The following TMEM200C variants were observed in gnomAD, a reference collection of about 807,000 sequenced individuals.
The protein encoded by TMEM200C is transmembrane protein TTMA.
For synonymous variants in TMEM200C, 462 were observed against 324.7 expected, an observed-to-expected ratio of 1.42 and a Z score of -4.55; for missense variants, 966 against 699.9, an observed-to-expected ratio of 1.38 and a Z score of -4.29.
In TMEM200C at chr18:5,891,953, G is replaced by A. The variant is rs200998948; in HGVS notation, c.111C>T (p.Asn37=). The change falls in exon 3 of 3, where the codon AAC becomes AAT. Residue 37 remains asparagine, a synonymous_variant. Transcript: ENST00000581347. The surrounding 1 kb of genome is among the most constrained non-coding windows in gnomAD (Gnocchi z 4.7). ...GCTTGCCTTTCACCACCACCACGTC[G>A]TTCTTGCGCCTCTTCTTGGCTTTCC... is the stretch of plus-strand genomic sequence containing the variant. 3.4e-5 allele frequency: 55 copies of A among 1,613,974 alleles called. No individual in the cohort carries two copies. The highest frequency in any genetic ancestry group is 5.3e-5 in the African/African-American group (4 of 75,070).
At chr18:5,894,171 G>A (rs2095173780) in intron 2 of TMEM200C, among the ~76,000 whole-genome samples, 1 of 152,164 alleles carries the variant, frequency 6.6e-6, no homozygotes, top group Non-Finnish European at 1.5e-5. Context: ...TGCGCCGGGA[G>A]GCTGGATGCC....
exon 3 of TMEM200C, chr18:5,890,304 T>G (rs961328634): frequency 4.4e-6 from 7 of 1,601,700 alleles, no homozygotes; most frequent in Non-Finnish European, 6.0e-6. Context: ...CGGCTGAGGT[T>G]GCTCGGCCGT....
chr18:5,885,298 G>A (rs1279341190), exon 3 of TMEM200C: 1 of 152,132 alleles, frequency 6.6e-6, no homozygotes, highest in Non-Finnish European at 1.5e-5. Context: ...AGAAAGCACA[G>A]GTTATTGAGA....
exon 3 of TMEM200C, chr18:5,890,400 G>A (rs1322569603): frequency 1.9e-6 from 3 of 1,580,670 alleles, no homozygotes; most frequent in East Asian, 2.3e-5. Context: ...CGTTTGACCA[G>A]CTACTGCGTC....
chr18:5,892,969 T>A (rs977612215), intron 2 of TMEM200C, among the ~76,000 whole-genome samples: 1 of 152,184 alleles, frequency 6.6e-6, no homozygotes, highest in Non-Finnish European at 1.5e-5. Flanking sequence ...TTTAGGTAAC[T>A]GCTTATGTAA....
At chr18:5,882,257 A>G (rs147298887) in exon 3 of TMEM200C, 2 of 151,084 alleles carry the variant, frequency 1.3e-5, no homozygotes, top group African/African-American at 2.4e-5. Context: ...TTTTTTTGCT[A>G]TAATTTGGTA....
At chr18:5,884,175 T>A (rs1377808731) in exon 3 of TMEM200C, 1 of 152,088 alleles carries the variant, frequency 6.6e-6, no homozygotes, top group East Asian at 1.9e-4. Flanking sequence ...AGATATATAG[T>A]TTGTTTTGTT....
chr18:5,886,212 C>A lies in TMEM200C; in HGVS notation c.*3986G>T, dbSNP rs371047804. 1.2e-4 allele frequency: 18 copies of A among 152,154 alleles called. 1 individual carries two copies. Among genetic ancestry groups the A allele is most frequent in the Admixed American group, 7.9e-4 (12 of 15,284 alleles). The allele number at this position is 152,154 out of a possible 1,614,324, so 9.4% of individuals were successfully genotyped here. ...AAGAAAAAAATTAATATAGAAAAAA[C>A]TTTTGTCTAGACAATTTAAATAACT... is the stretch of plus-strand genomic sequence containing the variant. On this transcript the variant is annotated 3_prime_UTR_variant, in exon 3 of 3. Coordinates refer to ENST00000581347, the Ensembl canonical transcript of TMEM200C.
chr18:5,892,221 G>A (rs2095172011), intron 2 of TMEM200C, 64 bp from the exon 2 acceptor site: 6 of 720,162 alleles, frequency 8.3e-6, no homozygotes, highest in South Asian at 7.5e-5. Flanking sequence ...TCACGCTGCA[G>A]CTGCCCTACT....
Position 5,891,376 on chromosome 18 carries a change from C to A in TMEM200C, c.688G>T (p.Ala230Ser). The change falls in exon 3 of 3, where the codon GCC (alanine) becomes TCC (serine). Residue 230 changes from alanine to serine, a missense_variant. Physicochemically the swap from Ala to Ser is moderately conservative, Grantham distance 99. Transcript: ENST00000581347. This position sits in a 1 kb window ranked among gnomAD's most constrained non-coding sequence, Gnocchi z 4.7. ...GCGGGGGCAGACGACGACGAAGAGG[C>A]GGCGGCGGCCGCGGCGGCGGCCGCG... The A allele has an allele frequency of 7.6e-7, 1 of 1,311,248 alleles. No individual in the cohort carries two copies. Among genetic ancestry groups the A allele is most frequent in the Non-Finnish European group, 9.6e-7 (1 of 1,036,338 alleles). The allele number at this position is 1,311,248 out of a possible 1,614,324, so 81.2% of individuals were successfully genotyped here.
chr18:5,884,296 T>G (rs2095163831), exon 3 of TMEM200C: 1 of 152,182 alleles, frequency 6.6e-6, no homozygotes, highest in African/African-American at 2.4e-5. Flanking sequence ...TTTTGTGTTC[T>G]GCATTTGCTC....
chr18:5,895,381 G>C (rs960931098), exon 2 of TMEM200C: 1 of 151,292 alleles, frequency 6.6e-6, no homozygotes, highest in Non-Finnish European at 1.5e-5. Context: ...CCGCGCCGCC[G>C]GCCCTCGCGC....
Position 5,891,362 on chromosome 18 carries a change from C to G in TMEM200C, c.702G>C (p.Ser234=). Residue 234 remains serine (S), a synonymous_variant, in exon 3 of 3, where the codon TCG becomes TCC. Transcript: ENST00000581347. This position sits in a 1 kb window ranked among gnomAD's most constrained non-coding sequence, Gnocchi z 4.7. ...CGGGGGGCGCCGCGGCGGGGGCAGA[C>G]GACGACGAAGAGGCGGCGGCGGCCG... The G allele has an allele frequency of 7.4e-7, 1 of 1,346,164 alleles. No individual in the cohort carries two copies. Among genetic ancestry groups the G allele is most frequent in the Non-Finnish European group, 9.5e-7 (1 of 1,052,724 alleles). The allele number at this position is 1,346,164 out of a possible 1,614,324, so 83.4% of individuals were successfully genotyped here.
chr18:5,882,836 T>C (rs1418940198), exon 3 of TMEM200C: 1 of 152,064 alleles, frequency 6.6e-6, no homozygotes, highest in African/African-American at 2.4e-5. Context: ...GAGAATAAAT[T>C]GTACAATCAA....
exon 3 of TMEM200C, chr18:5,890,375 C>A: frequency 6.3e-7 from 1 of 1,588,780 alleles, no homozygotes; most frequent in South Asian, 1.1e-5. Context: ...CGGGGGCGGC[C>A]ACAGCAGAGT....
chr18:5,885,202 C>G (rs2095164502), exon 3 of TMEM200C: 1 of 151,804 alleles, frequency 6.6e-6, no homozygotes, highest in Non-Finnish European at 1.5e-5. Context: ...GCAGGATGCT[C>G]TTTTTCTTCC....
chr18:5,883,021 C>A (rs1403836413), exon 3 of TMEM200C: 1 of 145,220 alleles, frequency 6.9e-6, no homozygotes, highest in Non-Finnish European at 1.6e-5. Context: ...AACCACAGCA[C>A]TTTATCTACC....
At chr18:5,882,309 C>T (rs1473810951) in exon 3 of TMEM200C, 1 of 151,988 alleles carries the variant, frequency 6.6e-6, no homozygotes, top group African/African-American at 2.4e-5. Context: ...TAGCCAGATG[C>T]TTTGTTCAAT....
chr18:5,891,290 G>T lies in TMEM200C; in HGVS notation c.774C>A (p.Gly258=). The T allele has an allele frequency of 7.1e-7, 1 of 1,413,940 alleles. No individual in the cohort carries two copies. Among genetic ancestry groups the T allele is most frequent in the Non-Finnish European group, 9.3e-7 (1 of 1,078,948 alleles). 87.6% of individuals were successfully genotyped at this position (1,413,940 alleles called of 1,614,324 possible). A position where few individuals can be genotyped will look rare whatever the true frequency, so the allele number is the denominator to read the frequency against. Residue 258 remains glycine (G), a synonymous_variant, in exon 3 of 3, where the codon GGC becomes GGA. Coordinates refer to ENST00000581347, the Ensembl canonical transcript of TMEM200C. This position sits in a 1 kb window ranked among gnomAD's most constrained non-coding sequence, Gnocchi z 4.7. ...CGCAGCCCCCGGGCTTCAGCTCCAG[G>T]CCCCGCGACTGCACGTAGCTGAGGA...
Sources: gnomAD v4.1 joint callset for allele counts (sites outside exome capture counted in the v4.1 genomes callset) on GRCh38, gnomAD v4.1.1 for gene constraint, Gnocchi (gnomAD v3.1) non-coding constraint, MANE v1.5 for transcripts, NCBI Gene and HGNC (gene_info 2026-07-23, HGNC 2026-07-21) for gene names.